Variants in THRAP3 observed in about 807,000 individuals in gnomAD.
THRAP3 encodes thyroid hormone receptor-associated protein 3.
A neutral mutation model predicts 101.0 loss-of-function variants in THRAP3; 16 were observed. That is an observed-to-expected ratio of 0.16 (90% CI 0.11 to 0.24). The LOEUF (loss-of-function observed/expected upper bound fraction) is 0.24. Ranked by LOEUF, THRAP3 falls within the 10% of genes least tolerant of loss-of-function variation. The probability of loss-of-function intolerance (pLI) is 1.00; values close to 1 mark genes in which losing one functional copy is unlikely to be tolerated. For missense variants in THRAP3, 989 were observed against 1,202.7 expected, an observed-to-expected ratio of 0.82 and a Z score of 2.63; for synonymous variants, 407 against 422.6, an observed-to-expected ratio of 0.96 and a Z score of 0.45.
the THRAP3 span, among the ~76,000 whole-genome samples, chr1:36,216,493 C>CT: frequency 8.7e-6 from 1 of 114,744 alleles, no homozygotes. Flanking sequence ...GAGACTCCGT[C>CT]TCAAAAAAAA....
At chr1:36,290,131 T>C (rs1204519239) in intron 5 of THRAP3, among the ~76,000 whole-genome samples, 3 of 152,156 alleles carry the variant, frequency 2.0e-5, no homozygotes, top group African/African-American at 7.2e-5. Context: ...AGTACGGCCC[T>C]TCCCCATCAA....
At chr1:36,270,301 G>A (rs547070343) in intron 2 of THRAP3, among the ~76,000 whole-genome samples, 1 of 152,150 alleles carries the variant, frequency 6.6e-6, no homozygotes, top group African/African-American at 2.4e-5. Flanking sequence ...GAGGTGGGAG[G>A]ATCGGTTGAG....
chr1:36,293,241 C>G (rs1209381287), intron 7 of THRAP3, among the ~76,000 whole-genome samples: 1 of 152,016 alleles, frequency 6.6e-6, no homozygotes, highest in Non-Finnish European at 1.5e-5. Flanking sequence ...GTTGGCCAGT[C>G]TGGTCTTGAA....
chr1:36,296,619 C>T lies in THRAP3; in HGVS notation c.2152C>T (p.Arg718Cys), dbSNP rs1299092425. ...GKYKDDPVDL[R>C]LDIERRKKHK... ...ATACAAAGATGATCCTGTTGATCTCCGCCTTGATATTGAACGTCGTAAAAA... is the reference window on the plus strand; with the variant it reads ...ATACAAAGATGATCCTGTTGATCTCTGCCTTGATATTGAACGTCGTAAAAA... The change falls in exon 9 of 12, where the codon CGC becomes TGC. Residue 718 changes from arginine (R) to cysteine (C), a missense_variant. Arg to Cys is a radical substitution (Grantham distance 180). Coordinates refer to ENST00000354618, the MANE Select transcript of THRAP3 (RefSeq NM_005119.4). 8 of 1,585,620 alleles carry T rather than the reference C, an allele frequency of 5.0e-6. No homozygotes were observed. Among genetic ancestry groups the T allele is most frequent in the Non-Finnish European group, 6.8e-6 (8 of 1,171,784 alleles).
At position 36,286,970 on chromosome 1, in the gene THRAP3, G is replaced by A. The variant is rs750119751; in HGVS notation, c.740G>A (p.Arg247Gln). The stretch of plus-strand genomic sequence containing the variant: ...GTTTCTGAGCTGAGTCCTCGGGAGC[G>A]AAGCCCAGCTCTCAAAAGCCCCCTC... ...SAVSELSPRE[R>Q]SPALKSPLQS... The change falls in exon 4 of 12, where the codon CGA (arginine) becomes CAA (glutamine). Residue 247 changes from arginine (R) to glutamine (Q), a missense_variant. Coordinates refer to ENST00000354618, the MANE Select transcript of THRAP3 (RefSeq NM_005119.4). The surrounding 1 kb of genome is among the most constrained non-coding windows in gnomAD (Gnocchi z 5.5). 28 of 1,614,138 alleles carry A rather than the reference G, an allele frequency of 1.7e-5. No homozygotes were observed. Among genetic ancestry groups the A allele is most frequent in the Admixed American group, 6.7e-5 (4 of 60,006 alleles).
At chr1:36,279,399 C>T (rs1645703600) in intron 2 of THRAP3, among the ~76,000 whole-genome samples, 1 of 152,060 alleles carries the variant, frequency 6.6e-6, no homozygotes, top group African/African-American at 2.4e-5. Flanking sequence ...ACCCAGAGAA[C>T]CCCAAAATAA....
chr1:36,241,385 GTATATATATATATATA>G (rs1166260923), intron 1 of THRAP3, among the ~76,000 whole-genome samples: 18 of 8,650 alleles, frequency 2.1e-3, no homozygotes, highest in East Asian at 0.1. Context: ...GATAATGGGT[GTATATATATATATATA>G]TATATATATA....
chr1:36,217,439 T>G, the THRAP3 span, among the ~76,000 whole-genome samples: 2 of 151,882 alleles, frequency 1.3e-5, no homozygotes, highest in African/African-American at 2.4e-5. Flanking sequence ...AACCTTGGGG[T>G]AAGTTTCTGG....
At chr1:36,213,939 G>T in the THRAP3 span, among the ~76,000 whole-genome samples, 1 of 119,876 alleles carries the variant, frequency 8.3e-6, no homozygotes, top group African/African-American at 3.8e-5. Context: ...AAGAAAGAAA[G>T]AAAGAAAGAA....
At chr1:36,210,689 C>CA in the THRAP3 span, among the ~76,000 whole-genome samples, 5 of 3,438 alleles carry the variant, frequency 1.5e-3, no homozygotes, top group African/African-American at 4.6e-3. Context: ...GACTCTGTCT[C>CA]AAAAAAAAAA....
chr1:36,295,810 C>T (rs1053088718), intron 8 of THRAP3, among the ~76,000 whole-genome samples: 1 of 151,976 alleles, frequency 6.6e-6, no homozygotes, highest in African/African-American at 2.4e-5. Context: ...ACTCAGTACT[C>T]AGAGATAATT....
At chr1:36,226,026 G>T (rs1557801163) in intron 1 of THRAP3, among the ~76,000 whole-genome samples, 1 of 151,998 alleles carries the variant, frequency 6.6e-6, no homozygotes, top group Non-Finnish European at 1.5e-5. Flanking sequence ...TGTAGACTAG[G>T]TACAGTTCAA....
chr1:36,296,127 C>T (rs1437521943), intron 8 of THRAP3, among the ~76,000 whole-genome samples: 1 of 151,920 alleles, frequency 6.6e-6, no homozygotes, highest in Non-Finnish European at 1.5e-5. Flanking sequence ...GCACACGCCA[C>T]CTTGCTCGGC....
At chr1:36,271,682 C>A (rs1465848710) in intron 2 of THRAP3, among the ~76,000 whole-genome samples, 5 of 148,982 alleles carry the variant, frequency 3.4e-5, no homozygotes, top group African/African-American at 1.2e-4. Context: ...CAACCTCCAC[C>A]TCCCGAGTTC....
intron 1 of THRAP3, among the ~76,000 whole-genome samples, chr1:36,255,097 A>G (rs939048101): frequency 6.6e-6 from 1 of 151,784 alleles, no homozygotes; most frequent in Non-Finnish European, 1.5e-5. Context: ...TTTTTTTTTT[A>G]CAGTGGGGAA....
intron 2 of THRAP3, among the ~76,000 whole-genome samples, chr1:36,271,744 C>A (rs1570303287): frequency 6.6e-6 from 1 of 152,022 alleles, no homozygotes; most frequent in African/African-American, 2.4e-5. Flanking sequence ...CAGACGCATA[C>A]CACCACACCC....
At position 36,303,863 on chromosome 1, in the gene THRAP3, C is replaced by T; in HGVS notation, c.2714C>T (p.Pro905Leu). 6.2e-7 allele frequency: 1 copy of T among 1,614,100 alleles called. No individual in the cohort carries two copies. The highest frequency in any genetic ancestry group is 1.1e-5 in the South Asian group (1 of 91,074). The change falls in exon 12 of 12, where the codon CCT becomes CTT. Residue 905 changes from proline (P) to leucine (L), a missense_variant. By Grantham distance (98) the Pro-to-Leu change is moderately conservative. Transcript: ENST00000354618. ...CGGGGCCGGGGCCGAGGAGCCTTTC[C>T]TCGGGGTCGGGGCCGGTTCATGTTC... ...VSRGRGRGAF[P>L]RGRGRFMFRK...
chr1:36,243,742 C>A (rs1273351789), intron 1 of THRAP3, among the ~76,000 whole-genome samples: 1 of 151,752 alleles, frequency 6.6e-6, no homozygotes, highest in African/African-American at 2.4e-5. Flanking sequence ...GGTGGCCGGG[C>A]AGAGGGGCTC....
Position 36,300,937 on chromosome 1 carries a change from G to T in THRAP3, c.2355G>T (p.Gln785His). ...DRSRSSSSSS[Q>H]SSHSYKAEEY... The stretch of plus-strand genomic sequence containing the variant: ...CCAGATCCTCCTCCTCTTCCTCCCA[G>T]TCATCTCACTCCTACAAAGCAGAAG... Residue 785 changes from glutamine to histidine, a missense_variant, in exon 10 of 12, where the codon CAG becomes CAT. Coordinates refer to ENST00000354618, the MANE Select transcript of THRAP3 (RefSeq NM_005119.4). 1.9e-6 allele frequency: 3 copies of T among 1,614,012 alleles called. No homozygotes were observed. Among genetic ancestry groups the T allele is most frequent in the Middle Eastern group, 3.3e-4 (2 of 6,030 alleles).
Sources: allele counts gnomAD v4.1 joint callset (sites outside exome capture counted in the v4.1 genomes callset), GRCh38; gene constraint gnomAD v4.1.1; non-coding constraint Gnocchi (gnomAD v3.1); transcripts MANE v1.5; gene names NCBI Gene and HGNC (gene_info 2026-07-23, HGNC 2026-07-21).